ZBBX: variants seen among roughly 807,000 people sequenced by gnomAD.
The protein encoded by ZBBX is zinc finger B-box domain containing, also known as zinc finger B-box domain-containing protein 1.
In ZBBX, 101 loss-of-function variants were observed where a neutral mutation model predicts 108.5. The observed-to-expected ratio is 0.93, with a 90% confidence interval of 0.79 to 1.10. The LOEUF (loss-of-function observed/expected upper bound fraction) is 1.10, where lower values mean the gene tolerates loss of function less well. Among genes scored for constraint, ZBBX ranks in the 50% least tolerant of loss-of-function variants. The probability of loss-of-function intolerance (pLI) is 0.00; values close to 1 mark genes in which losing one functional copy is unlikely to be tolerated. For missense variants in ZBBX, 1,009 were observed against 941.4 expected (o/e 1.07, Z -0.94); for synonymous variants, 356 against 323.4 (o/e 1.10, Z -1.08).
intron 21 of ZBBX, 91 bp downstream of exon 21, chr3:167,242,414 A>T (rs1720834939): frequency 8.7e-7 from 1 of 1,146,408 alleles, no homozygotes; most frequent in Non-Finnish European, 1.2e-6. Context: ...CATGAGGACA[A>T]TCTTTCTATA....
At position 167,332,290 on chromosome 3, in the gene ZBBX, A is replaced by C. The variant is rs7623529; in HGVS notation, c.687+1537T>G. 1.5e-4 allele frequency among the ~76,000 whole-genome samples: 23 copies of C among 148,826 alleles called. No individual in the cohort carries two copies. The East Asian group carries it at 2.8e-3, about 18-fold the overall frequency. On this transcript the variant is annotated intron_variant, in intron 10 of 21. Transcript: ENST00000675490. The stretch of plus-strand genomic sequence containing the variant: ...AGTTAAACACACACACACACACACA[A>C]ACACACACACACACACGTCTGAACC...
At chr3:167,261,347 G>C (rs1452598862) in intron 20 of ZBBX, among the ~76,000 whole-genome samples, 2 of 151,926 alleles carry the variant, frequency 1.3e-5, no homozygotes, top group Non-Finnish European at 2.9e-5. Flanking sequence ...CATCAGGTGT[G>C]GTAGTATGGG....
intron 17 of ZBBX, among the ~76,000 whole-genome samples, chr3:167,300,363 A>C (rs79541459): frequency 0.016 from 2,417 of 152,220 alleles, 30 homozygotes; most frequent in Non-Finnish European, 0.023. Flanking sequence ...AATTGAAAAA[A>C]AACAATAACC....
At chr3:167,359,827 C>G (rs1440640374) in intron 8 of ZBBX, 43 bp downstream of exon 8, 3 of 966,938 alleles carry the variant, frequency 3.1e-6, no homozygotes, top group East Asian at 3.0e-5. Flanking sequence ...GCTTAATATA[C>G]CTACTATACA....
At chr3:167,202,825 C>T in the ZBBX span, among the ~76,000 whole-genome samples, 1 of 152,088 alleles carries the variant, frequency 6.6e-6, no homozygotes, top group South Asian at 2.1e-4. Context: ...CCCAGATTAT[C>T]AACCCAATAG....
At chr3:167,306,698 A>G (rs1298735417) in intron 16 of ZBBX, among the ~76,000 whole-genome samples, 3 of 152,178 alleles carry the variant, frequency 2.0e-5, no homozygotes, top group Non-Finnish European at 4.4e-5. Flanking sequence ...AGTGGGTAAC[A>G]CAGTAGTGAA....
chr3:167,348,319 A>AGAAG, intron 9 of ZBBX, among the ~76,000 whole-genome samples: 1 of 72,614 alleles, frequency 1.4e-5, no homozygotes. Context: ...AGAAAGAGAA[A>AGAAG]GAAAGAAAGA....
At chr3:167,406,890 G>A (rs1748602762) in intron 1 of ZBBX, among the ~76,000 whole-genome samples, 1 of 152,168 alleles carries the variant, frequency 6.6e-6, no homozygotes, top group Non-Finnish European at 1.5e-5. Flanking sequence ...TAATTTGTAT[G>A]TAGGATTTGG....
chr3:167,267,870 C>T (rs972322995), intron 20 of ZBBX, among the ~76,000 whole-genome samples: 1 of 152,014 alleles, frequency 6.6e-6, no homozygotes, highest in Non-Finnish European at 1.5e-5. Context: ...CACCTTCCCC[C>T]ACTCATTGCC....
At chr3:167,397,952 T>C (rs1039062548) in intron 1 of ZBBX, among the ~76,000 whole-genome samples, 1 of 150,980 alleles carries the variant, frequency 6.6e-6, no homozygotes, top group African/African-American at 2.4e-5. Flanking sequence ...GCAGAGAGGA[T>C]AGGGGTAAAG....
intron 8 of ZBBX, among the ~76,000 whole-genome samples, chr3:167,355,699 C>A (rs1195727370): frequency 1.3e-5 from 2 of 151,844 alleles, no homozygotes; most frequent in African/African-American, 4.8e-5. Flanking sequence ...TTTAACAATA[C>A]CATGGTCTAC....
At position 167,284,092 on chromosome 3, in the gene ZBBX, A is replaced by T. The variant is rs149928265; in HGVS notation, c.1997-1597T>A. ...AAATAATTTTAATTGAAATAAAATT[A>T]TGAGTAAGTTAAAATAAGACTGATC... On this transcript the variant is annotated intron_variant, in intron 19 of 21. Coordinates refer to ENST00000675490, the MANE Select transcript of ZBBX (RefSeq NM_001199201.2). Among the ~76,000 whole-genome samples, 544 of 152,050 alleles carry T rather than the reference A, an allele frequency of 3.6e-3. 3 individuals carry two copies. Among genetic ancestry groups the T allele is most frequent in the African/African-American group, 0.013 (527 of 41,530 alleles).
At chr3:167,296,257 C>T (rs4555519) in intron 18 of ZBBX, among the ~76,000 whole-genome samples, 124,559 of 152,014 alleles carry the variant, frequency 0.82, 51,423 homozygotes, top group African/African-American at 0.93. Flanking sequence ...TGCCTCTACA[C>T]AATAAAAGTA....
chr3:167,217,140 A>G, the ZBBX span, among the ~76,000 whole-genome samples: 1 of 152,220 alleles, frequency 6.6e-6, no homozygotes, highest in Non-Finnish European at 1.5e-5. Context: ...ATTAAACCTA[A>G]GAACTTCTCC....
rs113146850 is a variant in ZBBX at position 167,368,587 on chromosome 3, G to T, written c.69-13C>A. 1 of 1,553,032 alleles carries T rather than the reference G, an allele frequency of 6.4e-7. No individual in the cohort carries two copies. The highest frequency in any genetic ancestry group is 1.4e-5 in the African/African-American group (1 of 72,120). On this transcript the variant is annotated splice_polypyrimidine_tract_variant and intron_variant, in intron 4 of 21. Transcript: ENST00000675490. ...TTCTTGAGCATTTCTGAAGACATAA[G>T]ATTTAAATGGAGAAAGCAGAAAAAC...
intron 18 of ZBBX, among the ~76,000 whole-genome samples, chr3:167,290,009 G>A: frequency 6.6e-6 from 1 of 152,154 alleles, no homozygotes; most frequent in East Asian, 1.9e-4. Context: ...GCTCAGCAAA[G>A]CCACCATGGC....
intron 18 of ZBBX, among the ~76,000 whole-genome samples, chr3:167,292,459 A>G (rs187271889): frequency 1.8e-4 from 27 of 152,324 alleles, no homozygotes; most frequent in Non-Finnish European, 2.9e-5. Flanking sequence ...CTCTGGGTAA[A>G]TAACAAAATG....
intron 20 of ZBBX, among the ~76,000 whole-genome samples, chr3:167,269,212 T>A (rs765641877): frequency 3.9e-5 from 6 of 152,188 alleles, no homozygotes; most frequent in Non-Finnish European, 7.3e-5. Flanking sequence ...ACCTTTCTAG[T>A]CGATTCAGGG....
intron 16 of ZBBX, among the ~76,000 whole-genome samples, chr3:167,310,435 T>C (rs1217592552): frequency 6.6e-6 from 1 of 152,172 alleles, no homozygotes; most frequent in Non-Finnish European, 1.5e-5. Flanking sequence ...GTTAGTCCAT[T>C]TTTAAACTGC....
Sources: gnomAD v4.1 joint callset for allele counts (sites outside exome capture counted in the v4.1 genomes callset) on GRCh38, gnomAD v4.1.1 for gene constraint, MANE v1.5 for transcripts, NCBI Gene and HGNC (gene_info 2026-07-23, HGNC 2026-07-21) for gene names.